The following NCAPG2 variants were observed in gnomAD, a reference collection of about 807,000 sequenced individuals.
NCAPG2 encodes non-SMC condensin II complex subunit G2, also known as condensin-2 complex subunit G2.
Under a neutral mutation model 141.1 loss-of-function variants are expected in NCAPG2, and 53 were observed. That is an observed-to-expected ratio of 0.38 (90% confidence interval 0.30 to 0.47). The LOEUF (loss-of-function observed/expected upper bound fraction) is 0.47. Ranked by LOEUF, NCAPG2 falls within the 20% of genes least tolerant of loss-of-function variation. NCAPG2 has a pLI of 0.99. For synonymous variants in NCAPG2, 499 were observed against 490.7 expected (o/e 1.02, Z -0.22); for missense variants, 1,087 against 1,389.0 (o/e 0.78, Z 3.46).
chr7:158,670,044 T>A (rs13308680), intron 13 of NCAPG2, among the ~76,000 whole-genome samples: 1 of 152,050 alleles, frequency 6.6e-6, no homozygotes, highest in Non-Finnish European at 1.5e-5. Flanking sequence ...TACTGTAAGA[T>A]CCACACAGAA....
intron 25 of NCAPG2, 137 bp from the exon 26 acceptor site, chr7:158,645,756 C>G: frequency 1.4e-6 from 1 of 698,036 alleles, no homozygotes. Context: ...TGAACTCACC[C>G]CATGCTTTTC....
At chr7:158,636,265 G>A (rs750127018) in intron 27 of NCAPG2, among the ~76,000 whole-genome samples, 2 of 152,106 alleles carry the variant, frequency 1.3e-5, no homozygotes, top group African/African-American at 2.4e-5. Context: ...CAAGTAGTTA[G>A]CCTGAAACTA....
At chr7:158,681,709 T>C (rs10255889) in intron 9 of NCAPG2, among the ~76,000 whole-genome samples, 4,151 of 152,300 alleles carry the variant, frequency 0.027, 181 homozygotes, top group African/African-American at 0.093. Flanking sequence ...ATATCAACAG[T>C]ACACTTGCTT....
At chr7:158,680,979 A>G (rs1417332287) in intron 9 of NCAPG2, among the ~76,000 whole-genome samples, 163 bp from the exon 10 acceptor site, 2 of 152,246 alleles carry the variant, frequency 1.3e-5, no homozygotes, top group Non-Finnish European at 2.9e-5. Context: ...AGTAACTTCA[A>G]TGGATATAGG....
rs779377814 is a variant in NCAPG2 at position 158,692,921 on chromosome 7, A to G, written c.303T>C (p.Ser101=). 6.3e-7 allele frequency: 1 copy of G among 1,590,140 alleles called. No homozygotes were observed. Among genetic ancestry groups the G allele is most frequent in the African/African-American group, 1.3e-5 (1 of 74,266 alleles). Residue 101 remains serine (S), a synonymous_variant, in exon 4 of 28, where the codon TCT becomes TCC. Transcript: ENST00000356309. ...KSIEIIYAIT[S]VILASVSVIN... The stretch of plus-strand genomic sequence containing the variant: ...TTACAGACACAGAAGCAAGAATCAC[A>G]GATGTAATTGCATAAATTATTTCTA...
chr7:158,637,123 A>AT (rs1830270945), intron 27 of NCAPG2, among the ~76,000 whole-genome samples: 1 of 151,840 alleles, frequency 6.6e-6, no homozygotes, highest in Non-Finnish European at 1.5e-5. Flanking sequence ...AATTTTTTAT[A>AT]TTTTTAGTAG....
At position 158,633,919 on chromosome 7, in the gene NCAPG2, T is replaced by G. The variant is rs1830034120; in HGVS notation, c.3381-2202A>C. 6.6e-6 allele frequency among the ~76,000 whole-genome samples: 1 copy of G among 151,900 alleles called. No individual in the cohort carries two copies. ...TGCACACCACCACACCCAGCAGATT[T>G]TTTTGTATTTTTTGTAGAGATGGGG... is the stretch of plus-strand genomic sequence containing the variant. On this transcript the variant is annotated intron_variant, in intron 27 of 27. Coordinates refer to ENST00000356309, the MANE Select transcript of NCAPG2 (RefSeq NM_017760.7). The surrounding 1 kb of genome is among the most constrained non-coding windows in gnomAD (Gnocchi z 4.1).
chr7:158,677,276 G>A (rs1834117797), intron 11 of NCAPG2, among the ~76,000 whole-genome samples: 2 of 152,002 alleles, frequency 1.3e-5, no homozygotes, highest in South Asian at 4.1e-4. Flanking sequence ...GAAGGAAAGG[G>A]CCCTTTGTAC....
chr7:158,665,800 C>T (rs1187187398), intron 13 of NCAPG2, among the ~76,000 whole-genome samples: 2 of 152,182 alleles, frequency 1.3e-5, no homozygotes, highest in Non-Finnish European at 2.9e-5. Context: ...GTCATGATCT[C>T]ATACTGCAAA....
intron 23 of NCAPG2, 36 bp from the exon 24 acceptor site, chr7:158,651,008 A>G (rs776069881): frequency 1.3e-6 from 2 of 1,536,766 alleles, no homozygotes; most frequent in Non-Finnish European, 1.7e-6. Context: ...TTAATGACTA[A>G]AAACCATGGT....
At chr7:158,677,784 C>A (rs1306492149) in intron 11 of NCAPG2, among the ~76,000 whole-genome samples, 2 of 152,124 alleles carry the variant, frequency 1.3e-5, no homozygotes, top group Non-Finnish European at 2.9e-5. Flanking sequence ...CTGTTTCTGT[C>A]GCATCCCTTC....
chr7:158,671,729 G>A (rs1426316180), intron 12 of NCAPG2, 63 bp from the exon 13 acceptor site: 10 of 1,553,278 alleles, frequency 6.4e-6, no homozygotes, highest in Admixed American at 1.9e-5. Flanking sequence ...GTTCAGGTAG[G>A]AAAACTTCAT....
chr7:158,686,381 G>A (rs1834756160), intron 7 of NCAPG2, 140 bp from the exon 8 acceptor site: 4 of 502,292 alleles, frequency 8.0e-6, no homozygotes, highest in Non-Finnish European at 3.5e-6. Flanking sequence ...TATAGAAATA[G>A]GTTATCTACC....
At chr7:158,686,382 G>A (rs1326564759) in intron 7 of NCAPG2, 141 bp from the exon 8 acceptor site, 4 of 496,188 alleles carry the variant, frequency 8.1e-6, no homozygotes, top group Non-Finnish European at 1.1e-5. Flanking sequence ...ATAGAAATAG[G>A]TTATCTACCT....
chr7:158,704,281 G>A (rs1473558709), intron 1 of NCAPG2, among the ~76,000 whole-genome samples: 1 of 145,186 alleles, frequency 6.9e-6, no homozygotes, highest in Non-Finnish European at 1.5e-5. Flanking sequence ...CAGGACTGAG[G>A]GGGTCGCTCT....
intron 25 of NCAPG2, 24 bp from the exon 26 acceptor site, chr7:158,645,643 A>C: frequency 6.3e-7 from 1 of 1,592,744 alleles, no homozygotes; most frequent in South Asian, 1.1e-5. Flanking sequence ...AACAAACATC[A>C]AAATTACTGT....
At chr7:158,693,106 C>A in intron 3 of NCAPG2, 150 bp from the exon 4 acceptor site, 3 of 787,266 alleles carry the variant, frequency 3.8e-6, no homozygotes, top group Non-Finnish European at 6.0e-6. Context: ...AGTAAATCAT[C>A]CTAAAAGAAC....
chr7:158,664,195 C>T lies in NCAPG2; in HGVS notation c.1804G>A (p.Glu602Lys). The change falls in exon 15 of 28, where the codon GAG becomes AAG. Residue 602 changes from glutamate (E) to lysine (K), a missense_variant. Transcript: ENST00000356309. ...CCTGTTCTACTCACAGTCACATTCTCCTTCTCCCTTCCGTCCTCTTCCTCC... is the reference window on the plus strand; with the variant it reads ...CCTGTTCTACTCACAGTCACATTCTTCTTCTCCCTTCCGTCCTCTTCCTCC... ...DEEEEDGREK[E>K]NVTVLDKTLS... The T allele has an allele frequency of 1.2e-6, 2 of 1,608,728 alleles. No individual in the cohort carries two copies. The highest frequency in any genetic ancestry group is 8.5e-7 in the Non-Finnish European group (1 of 1,175,064).
chr7:158,638,463 C>T (rs528334430), intron 27 of NCAPG2, among the ~76,000 whole-genome samples: 2 of 152,036 alleles, frequency 1.3e-5, no homozygotes, highest in Non-Finnish European at 2.9e-5. Flanking sequence ...TGGTCTTGAA[C>T]CCCTGAGCTC....
Sources: allele counts gnomAD v4.1 joint callset (sites outside exome capture counted in the v4.1 genomes callset), GRCh38; gene constraint gnomAD v4.1.1; non-coding constraint Gnocchi (gnomAD v3.1); transcripts MANE v1.5; gene names NCBI Gene and HGNC (gene_info 2026-07-23, HGNC 2026-07-21).